Variants in TAFA2 observed in about 807,000 individuals in gnomAD.
The protein encoded by TAFA2 is chemokine-like protein TAFA-2.
TAFA2 carries 7 observed loss-of-function variants against 18.8 expected under a neutral mutation model. The ratio of observed to expected loss-of-function variants is 0.37; its 90% confidence interval spans 0.21 to 0.70. TAFA2 has a LOEUF of 0.70. TAFA2 is among the 30% of genes least tolerant of loss of function. The pLI, the probability that TAFA2 is intolerant of heterozygous loss-of-function variation, is 0.53. For synonymous variants in TAFA2, 60 were observed against 54.2 expected (o/e 1.11, Z -0.47); for missense variants, 122 against 158.1 (o/e 0.77, Z 1.23).
At chr12:61,962,586 T>C (rs1878924283) in intron 1 of TAFA2, among the ~76,000 whole-genome samples, 5 of 151,962 alleles carry the variant, frequency 3.3e-5, no homozygotes, top group Admixed American at 1.3e-4. Flanking sequence ...AGTTTTCTTT[T>C]CAAATTCAAA....
chr12:61,987,628 C>T (rs985839659), intron 1 of TAFA2, among the ~76,000 whole-genome samples: 1 of 152,188 alleles, frequency 6.6e-6, no homozygotes, highest in Non-Finnish European at 1.5e-5. Flanking sequence ...AAAAATTGTA[C>T]TTCCGAGAAC....
chr12:62,035,986 CGTCTCGGCCTCCCAAA>C (rs900176698), intron 1 of TAFA2, among the ~76,000 whole-genome samples: 1 of 151,716 alleles, frequency 6.6e-6, no homozygotes, highest in Non-Finnish European at 1.5e-5. Flanking sequence ...GTGATCCGCC[CGTCTCGGCCTCCCAAA>C]GTGCTGGGAT....
At chr12:62,221,130 C>A (rs1276914955) in intron 1 of TAFA2, among the ~76,000 whole-genome samples, 1 of 115,650 alleles carries the variant, frequency 8.6e-6, no homozygotes, top group African/African-American at 3.3e-5. Context: ...AAAACAAAAA[C>A]AAAACACAAG....
chr12:61,781,034 C>T (rs1030345938), intron 2 of TAFA2, among the ~76,000 whole-genome samples: 1 of 151,702 alleles, frequency 6.6e-6, no homozygotes, highest in Admixed American at 6.6e-5. Context: ...AATAATCCCT[C>T]ACCAGCTCAC....
chr12:61,919,211 A>G (rs927925905), intron 1 of TAFA2, among the ~76,000 whole-genome samples: 1 of 152,110 alleles, frequency 6.6e-6, no homozygotes, highest in African/African-American at 2.4e-5. Flanking sequence ...CATCATATAT[A>G]TTTTGGAAAT....
At chr12:61,720,866 C>T (rs1005709601) in intron 4 of TAFA2, 7 of 512,644 alleles carry the variant, frequency 1.4e-5, no homozygotes, top group African/African-American at 1.2e-4. Context: ...TCATCAGGCA[C>T]AGCAGAAACC....
At chr12:62,061,726 A>G (rs1195627834) in intron 1 of TAFA2, among the ~76,000 whole-genome samples, 1 of 152,268 alleles carries the variant, frequency 6.6e-6, no homozygotes, top group Non-Finnish European at 1.5e-5. Flanking sequence ...GTTAAACTAT[A>G]CTATGCCTAA....
intron 2 of TAFA2, among the ~76,000 whole-genome samples, chr12:61,790,905 C>T (rs1870948932): frequency 6.6e-6 from 1 of 151,496 alleles, no homozygotes; most frequent in Non-Finnish European, 1.5e-5. Flanking sequence ...TGAATAGCCA[C>T]ACCAATACTA....
chr12:61,939,657 T>C (rs1207155972), intron 1 of TAFA2, among the ~76,000 whole-genome samples: 1 of 152,222 alleles, frequency 6.6e-6, no homozygotes, highest in Non-Finnish European at 1.5e-5. Context: ...TGTGATAATT[T>C]ATGATACACA....
At chr12:61,955,792 G>A (rs1008931119) in intron 1 of TAFA2, among the ~76,000 whole-genome samples, 1 of 150,446 alleles carries the variant, frequency 6.6e-6, no homozygotes, top group Non-Finnish European at 1.5e-5. Flanking sequence ...TAATGTACAT[G>A]GTTTTCACAA....
At chr12:61,903,265 G>T (rs192350062) in intron 1 of TAFA2, among the ~76,000 whole-genome samples, 1 of 144,486 alleles carries the variant, frequency 6.9e-6, no homozygotes, top group Admixed American at 7.0e-5. Flanking sequence ...TCTCCCATTT[G>T]ACCACCTATC....
chr12:61,875,251 A>AG (rs2095695994), intron 1 of TAFA2, among the ~76,000 whole-genome samples: 1 of 152,072 alleles, frequency 6.6e-6, no homozygotes. Context: ...TAGTTTGAGG[A>AG]GGGTGCATCC....
chr12:62,128,116 A>T (rs1592353347), intron 1 of TAFA2, among the ~76,000 whole-genome samples: 1 of 152,012 alleles, frequency 6.6e-6, no homozygotes. Flanking sequence ...CCTGAGTAAA[A>T]TTCTTTTACT....
At chr12:61,844,459 A>G (rs752648772) in intron 2 of TAFA2, among the ~76,000 whole-genome samples, 8 of 152,110 alleles carry the variant, frequency 5.3e-5, no homozygotes, top group Non-Finnish European at 1.5e-5. Flanking sequence ...GCTTTTCTAC[A>G]TATTTTCAAA....
chr12:62,044,786 A>G (rs2136765097), intron 1 of TAFA2, among the ~76,000 whole-genome samples: 1 of 152,282 alleles, frequency 6.6e-6, no homozygotes, highest in South Asian at 2.1e-4. Flanking sequence ...CTGGTTGAAC[A>G]GCTGAGCTTA....
In TAFA2 at chr12:62,205,016, C is replaced by T. The variant is rs151009838; in HGVS notation, c.-130+53747G>A. 1.8e-3 allele frequency among the ~76,000 whole-genome samples: 274 copies of T among 152,252 alleles called. 1 individual carries two copies. The highest frequency in any genetic ancestry group is 6.5e-3 in the African/African-American group (269 of 41,544). ...ACCTTTGGATGGGTTTTTATGGGGA[C>T]ATTTTGTTGATGCTGTGGTTGTTGT... On this transcript the variant is annotated intron_variant, in intron 1 of 5. Coordinates refer to the TAFA2 transcript ENST00000551619.
chr12:62,222,885 C>A (rs1306653500), intron 1 of TAFA2, among the ~76,000 whole-genome samples: 3 of 151,720 alleles, frequency 2.0e-5, no homozygotes, highest in African/African-American at 4.8e-5. Context: ...CACACAGCAA[C>A]CAATTAAAAG....
At chr12:61,833,020 A>G (rs1872775774) in intron 2 of TAFA2, among the ~76,000 whole-genome samples, 1 of 147,306 alleles carries the variant, frequency 6.8e-6, no homozygotes, top group African/African-American at 2.5e-5. Context: ...ATATAAATAT[A>G]TATAATATAT....
At chr12:62,203,652 G>A (rs530671164) in intron 1 of TAFA2, among the ~76,000 whole-genome samples, 90 of 152,214 alleles carry the variant, frequency 5.9e-4, no homozygotes, top group East Asian at 7.7e-4. Flanking sequence ...AACTAGGATT[G>A]CAACCCCTGC....
Sources: gnomAD v4.1 joint callset for allele counts (sites outside exome capture counted in the v4.1 genomes callset) on GRCh38, gnomAD v4.1.1 for gene constraint, MANE v1.5 for transcripts, NCBI Gene and HGNC (gene_info 2026-07-23, HGNC 2026-07-21) for gene names.